The following GAB3 variants were observed in gnomAD, a reference collection of about 807,000 sequenced individuals.
The protein encoded by GAB3 is GRB2-associated-binding protein 3.
In GAB3, 12 loss-of-function variants were observed where a neutral mutation model predicts 40.4. That is an observed-to-expected ratio of 0.30 (90% CI 0.19 to 0.48). The LOEUF is 0.48. Ranked by LOEUF, GAB3 falls within the 20% of genes least tolerant of loss-of-function variation. GAB3 has a pLI of 0.99. For synonymous variants in GAB3, 154 were observed against 176.7 expected, an observed-to-expected ratio of 0.87 and a Z score of 1.02; for missense variants, 381 against 461.9, an observed-to-expected ratio of 0.82 and a Z score of 1.61.
At chrX:154,712,204 C>T in intron 4 of GAB3, 25 bp downstream of exon 4, 5 of 1,108,764 alleles carry the variant, frequency 4.5e-6, no homozygotes, top group Non-Finnish European at 6.1e-6. Flanking sequence ...TTCTTGGCGC[C>T]TGAATCTTAG....
At chrX:154,690,826 T>C (rs781948872) in intron 8 of GAB3, among the ~76,000 whole-genome samples, 1 of 108,959 alleles carries the variant, frequency 9.2e-6, no homozygotes, top group South Asian at 3.8e-4. Flanking sequence ...GGTGGGACTG[T>C]AAACTAGTTC....
intron 8 of GAB3, among the ~76,000 whole-genome samples, chrX:154,682,444 T>C (rs1453998394): frequency 8.9e-6 from 1 of 111,861 alleles, no homozygotes; most frequent in Non-Finnish European, 1.9e-5. Flanking sequence ...ACAGGTTCTA[T>C]AAGATTCATT....
chrX:154,733,692 C>G (rs1557260198), intron 1 of GAB3, among the ~76,000 whole-genome samples: 1 of 112,268 alleles, frequency 8.9e-6, no homozygotes, highest in Non-Finnish European at 1.9e-5. Flanking sequence ...AACATTGTCC[C>G]TTCTAGAAAT....
At chrX:154,720,648 A>C (rs1426684364) in intron 1 of GAB3, among the ~76,000 whole-genome samples, 1 of 108,134 alleles carries the variant, frequency 9.2e-6, no homozygotes, top group South Asian at 3.9e-4. Flanking sequence ...AAAAAAAAAA[A>C]AGCAAAAGAA....
chrX:154,703,415 C>A (rs1967881288), intron 4 of GAB3, among the ~76,000 whole-genome samples: 1 of 111,609 alleles, frequency 9.0e-6, no homozygotes, highest in Admixed American at 9.5e-5. Context: ...AAACCCAATA[C>A]CACATGCTCT....
At chrX:154,709,613 A>G (rs1468775686) in intron 4 of GAB3, among the ~76,000 whole-genome samples, 3 of 109,496 alleles carry the variant, frequency 2.7e-5, no homozygotes, top group South Asian at 4.0e-4. Context: ...CACCGCACCC[A>G]GCCTCAAATA....
intron 1 of GAB3, among the ~76,000 whole-genome samples, chrX:154,735,769 G>A (rs1467138991): frequency 8.9e-6 from 1 of 111,893 alleles, no homozygotes; most frequent in Non-Finnish European, 1.9e-5. Flanking sequence ...GAACCCTCTG[G>A]TGTCTTCCTC....
intron 8 of GAB3, among the ~76,000 whole-genome samples, chrX:154,687,092 T>A (rs782283284): frequency 9.1e-6 from 1 of 110,021 alleles, no homozygotes; most frequent in South Asian, 3.9e-4. Flanking sequence ...CTTGGGTGGC[T>A]AAGACATGAC....
chrX:154,744,212 CAAAAAAAAAAAAA>C (rs56796528), intron 1 of GAB3, among the ~76,000 whole-genome samples: 5 of 30,559 alleles, frequency 1.6e-4, no homozygotes, highest in Admixed American at 5.9e-4. Flanking sequence ...GATTCCATCT[CAAAAAAAAAAAAA>C]AAAAAAAAAA....
At chrX:154,710,423 G>T (rs1420252836) in intron 4 of GAB3, among the ~76,000 whole-genome samples, 1 of 111,846 alleles carries the variant, frequency 8.9e-6, no homozygotes, top group African/African-American at 3.3e-5. Context: ...AATTAAGAGA[G>T]TGTGGCACTG....
intron 1 of GAB3, among the ~76,000 whole-genome samples, chrX:154,738,604 C>T (rs1846645819): frequency 9.0e-6 from 1 of 111,719 alleles, no homozygotes; most frequent in Non-Finnish European, 1.9e-5. Flanking sequence ...GGGCTAATCA[C>T]CCTTCTCCTC....
intron 1 of GAB3, among the ~76,000 whole-genome samples, chrX:154,730,216 A>C (rs1302772525): frequency 8.9e-6 from 1 of 112,549 alleles, no homozygotes; most frequent in Non-Finnish European, 1.9e-5. Context: ...AGAGGAAAAG[A>C]AGGAAAGAGG....
At position 154,699,512 on chromosome X, in the gene GAB3, G is replaced by A; in HGVS notation, c.1127C>T (p.Pro376Leu). ...GGGGTACATCGGGGAGAACCTGCAT[G>A]GCTGCAAAAGAATAGATACAGATTG... ...HRDKRLSLNL[P>L]CRFSPMYPTA... The change falls in exon 6 of 10, where the codon CCA becomes CTA. Residue 376 changes from proline to leucine, a missense_variant and splice_region_variant. Pro to Leu is a moderately conservative substitution (Grantham distance 98). Around this residue, in one of 2 missense-constraint regions of GAB3, gnomAD observed 364 missense variants for 421.0 expected, o/e 0.86. Transcript: ENST00000424127. 1.7e-6 allele frequency: 2 copies of A among 1,204,005 alleles called. No homozygotes were observed. Among genetic ancestry groups the A allele is most frequent in the African/African-American group, 1.7e-5 (1 of 57,683 alleles).
intron 4 of GAB3, among the ~76,000 whole-genome samples, chrX:154,711,298 C>T (rs1249625645): frequency 3.6e-5 from 4 of 111,827 alleles, no homozygotes; most frequent in Admixed American, 2.8e-4. Flanking sequence ...GTTTTTGTGT[C>T]TGTCTGTGTA....
chrX:154,703,394 G>A (rs781956144), intron 4 of GAB3, among the ~76,000 whole-genome samples: 19 of 111,681 alleles, frequency 1.7e-4, no homozygotes, highest in Admixed American at 4.8e-4. Flanking sequence ...GCAAACTAAC[G>A]CAATAACAGA....
In GAB3 at chrX:154,678,246, C is replaced by T. The variant is rs145503993; in HGVS notation, c.1696G>A (p.Glu566Lys). 1.9e-4 allele frequency: 233 copies of T among 1,199,331 alleles called. No individual in the cohort carries two copies. The highest frequency in any genetic ancestry group is 2.5e-4 in the Non-Finnish European group (220 of 886,413). ...CTCTGGAGAGCCTGTGTCTTCTGCT[C>T]ATCCACTTGGACATAGTCTACTCTT... ...EQRVDYVQVDEQKTQALQSTK... is the reference protein window; with the variant it reads ...EQRVDYVQVDKQKTQALQSTK... The change falls in exon 10 of 10, where the codon GAG becomes AAG. Residue 566 changes from glutamate (E) to lysine (K), a missense_variant. Around this residue, in one of 2 missense-constraint regions of GAB3, gnomAD observed 17 missense variants for 40.9 expected, o/e 0.42. Transcript: ENST00000424127.
intron 1 of GAB3, among the ~76,000 whole-genome samples, chrX:154,748,879 C>T (rs782032890): frequency 8.9e-6 from 1 of 112,001 alleles, no homozygotes; most frequent in African/African-American, 3.2e-5. Context: ...CAGCCCTATC[C>T]AGGCCCCGTC....
At chrX:154,722,902 G>C (rs982090516) in intron 1 of GAB3, among the ~76,000 whole-genome samples, 2 of 111,178 alleles carry the variant, frequency 1.8e-5, no homozygotes, top group Non-Finnish European at 3.8e-5. Flanking sequence ...TTTTGACAGA[G>C]TTTTTTGCTC....
chrX:154,689,333 G>A (rs1557248724), intron 8 of GAB3, among the ~76,000 whole-genome samples: 2 of 110,792 alleles, frequency 1.8e-5, no homozygotes, highest in South Asian at 3.8e-4. Context: ...AAAACTGGAA[G>A]CATTCCCTTT....
Sources: allele counts gnomAD v4.1 joint callset (sites outside exome capture counted in the v4.1 genomes callset), GRCh38; gene constraint gnomAD v4.1.1; regional missense constraint gnomAD v4.1.1; transcripts MANE v1.5; gene names NCBI Gene and HGNC (gene_info 2026-07-23, HGNC 2026-07-21).